CHCHD3: variants seen among roughly 807,000 people sequenced by gnomAD.
The protein encoded by CHCHD3 is MICOS complex subunit MIC19.
CHCHD3 carries 20 observed loss-of-function variants against 38.2 expected under a neutral mutation model. The ratio of observed to expected loss-of-function variants is 0.52; its 90% CI spans 0.37 to 0.76. CHCHD3 has a LOEUF of 0.76. Ranked by LOEUF, CHCHD3 falls within the 30% of genes least tolerant of loss-of-function variation. The probability of loss-of-function intolerance (pLI) is 0.00; values close to 1 mark genes in which losing one functional copy is unlikely to be tolerated. For synonymous variants in CHCHD3, 82 were observed against 100.0 expected, an observed-to-expected ratio of 0.82 and a Z score of 1.07; for missense variants, 245 against 279.2, an observed-to-expected ratio of 0.88 and a Z score of 0.87.
chr7:133,061,467 CAAA>C (rs374637066), intron 2 of CHCHD3, among the ~76,000 whole-genome samples: 1 of 114,632 alleles, frequency 8.7e-6, no homozygotes. Flanking sequence ...TGTGGACAAG[CAAA>C]AAAAAAAAAA....
chr7:132,830,387 C>A (rs1807617150), intron 6 of CHCHD3, among the ~76,000 whole-genome samples: 1 of 152,180 alleles, frequency 6.6e-6, no homozygotes, highest in African/African-American at 2.4e-5. Flanking sequence ...CTACAACTTT[C>A]CTAAAATGGG....
chr7:132,882,971 G>A (rs935384780), intron 5 of CHCHD3, among the ~76,000 whole-genome samples: 4 of 152,086 alleles, frequency 2.6e-5, no homozygotes, highest in African/African-American at 7.2e-5. Flanking sequence ...GTTTCCCCAG[G>A]CTGTTCTTGT....
In CHCHD3 at chr7:132,900,456, T is replaced by G. The variant is rs549160213; in HGVS notation, c.370-14711A>C. Among the ~76,000 whole-genome samples, 109 of 152,172 alleles carry G rather than the reference T, an allele frequency of 7.2e-4. 2 individuals carry two copies. The South Asian group carries it at 0.021, about 30-fold the overall frequency. ...TCATCTCCCACATACCCTCACAGAG[T>G]GAGCATCTTTTCCCAGTGAATGGAA... On this transcript the variant is annotated intron_variant, in intron 4 of 7. Coordinates refer to ENST00000262570, the MANE Select transcript of CHCHD3 (RefSeq NM_017812.4).
intron 5 of CHCHD3, among the ~76,000 whole-genome samples, chr7:132,850,658 T>A (rs1333657121): frequency 6.6e-6 from 1 of 152,146 alleles, no homozygotes; most frequent in Non-Finnish European, 1.5e-5. Flanking sequence ...CTTCTATTAA[T>A]ACTAAAGGTC....
intron 6 of CHCHD3, among the ~76,000 whole-genome samples, chr7:132,812,175 A>G (rs1463941296): frequency 2.7e-5 from 4 of 146,702 alleles, no homozygotes; most frequent in African/African-American, 7.6e-5. Flanking sequence ...TAGATCTAGA[A>G]TTGACCACTT....
intron 2 of CHCHD3, among the ~76,000 whole-genome samples, chr7:133,057,762 AG>A (rs2117513560): frequency 6.6e-6 from 1 of 152,270 alleles, no homozygotes; most frequent in East Asian, 1.9e-4. Flanking sequence ...AAATAATTAG[AG>A]GAAAAATTTA....
intron 2 of CHCHD3, among the ~76,000 whole-genome samples, chr7:133,056,622 C>T (rs943760976): frequency 6.6e-6 from 1 of 152,030 alleles, no homozygotes; most frequent in Non-Finnish European, 1.5e-5. Context: ...GCACAGAAAA[C>T]CAAATGAAAG....
At chr7:132,823,820 T>A (rs4731901) in intron 6 of CHCHD3, among the ~76,000 whole-genome samples, 59,937 of 152,010 alleles carry the variant, frequency 0.39, 12,076 homozygotes, top group Middle Eastern at 0.51. Flanking sequence ...ACCTGGTACC[T>A]TGTGAATTCT....
chr7:132,943,571 A>G (rs906180770), intron 4 of CHCHD3, among the ~76,000 whole-genome samples: 1 of 152,162 alleles, frequency 6.6e-6, no homozygotes, highest in Non-Finnish European at 1.5e-5. Context: ...CTGAATTAAA[A>G]TTTCATTAGT....
chr7:132,854,669 G>A (rs1808302519), intron 5 of CHCHD3, among the ~76,000 whole-genome samples: 1 of 152,156 alleles, frequency 6.6e-6, no homozygotes, highest in Admixed American at 6.5e-5. Context: ...TCTGCCATTT[G>A]TTAAGTGGGT....
chr7:132,916,669 C>T (rs527244890), intron 4 of CHCHD3, among the ~76,000 whole-genome samples: 2 of 152,194 alleles, frequency 1.3e-5, no homozygotes, highest in African/African-American at 4.8e-5. Context: ...TGGCCTCAAC[C>T]TCCGGGGCTT....
chr7:132,786,827 ATT>A (rs1162108855), intron 7 of CHCHD3, among the ~76,000 whole-genome samples: 3 of 152,258 alleles, frequency 2.0e-5, no homozygotes, highest in Non-Finnish European at 4.4e-5. Flanking sequence ...ACATGCTAAA[ATT>A]TATTGTGTAA....
chr7:132,851,752 T>C (rs1005400744), intron 5 of CHCHD3, among the ~76,000 whole-genome samples: 3 of 152,228 alleles, frequency 2.0e-5, no homozygotes, highest in Non-Finnish European at 4.4e-5. Context: ...ACAGTCACTC[T>C]CCAGGTCATA....
chr7:132,800,922 C>A (rs1312454542), intron 6 of CHCHD3, among the ~76,000 whole-genome samples: 1 of 152,000 alleles, frequency 6.6e-6, no homozygotes, highest in African/African-American at 2.4e-5. Flanking sequence ...TCTCATAAAA[C>A]CATATTTTAC....
intron 4 of CHCHD3, among the ~76,000 whole-genome samples, chr7:132,962,175 A>T (rs1811336038): frequency 6.6e-6 from 1 of 152,238 alleles, no homozygotes; most frequent in Non-Finnish European, 1.5e-5. Flanking sequence ...TTAGCCAAGA[A>T]AATAGAGGCT....
chr7:132,827,408 A>G (rs914182082), intron 6 of CHCHD3, among the ~76,000 whole-genome samples: 3 of 152,206 alleles, frequency 2.0e-5, no homozygotes, highest in African/African-American at 4.8e-5. Context: ...TTTCTTCCTG[A>G]GGCACAGTCA....
Position 132,975,242 on chromosome 7 carries a change from T to A in CHCHD3, c.296A>T (p.Asn99Ile), listed in dbSNP as rs758825605. 2 of 1,613,094 alleles carry A rather than the reference T, an allele frequency of 1.2e-6. No homozygotes were observed. Among genetic ancestry groups the A allele is most frequent in the Non-Finnish European group, 1.7e-6 (2 of 1,180,014 alleles). ...AAGGATGGCTCTGGTTAACTGCTCA[T>A]TGGCAGCAGCCCTCTCTCGGTCCAG... is the stretch of plus-strand genomic sequence containing the variant. ...KELDRERAAA[N>I]EQLTRAILRE... The change falls in exon 4 of 8, where the codon AAT becomes ATT. Residue 99 changes from asparagine to isoleucine, a missense_variant. Physicochemically the swap from Asn to Ile is moderately radical, Grantham distance 149 (BLOSUM62 -3). Coordinates refer to ENST00000262570, the MANE Select transcript of CHCHD3 (RefSeq NM_017812.4).
intron 1 of CHCHD3, among the ~76,000 whole-genome samples, chr7:133,072,317 T>C (rs551579833): frequency 7.9e-5 from 12 of 152,076 alleles, no homozygotes; most frequent in Non-Finnish European, 1.3e-4. Flanking sequence ...AAAAGGTATT[T>C]AGGATTTAAA....
At chr7:132,917,344 C>T (rs999463982) in intron 4 of CHCHD3, among the ~76,000 whole-genome samples, 1 of 152,104 alleles carries the variant, frequency 6.6e-6, no homozygotes, top group Non-Finnish European at 1.5e-5. Flanking sequence ...AAGAGCCAGT[C>T]GTAATCCTCT....
Sources: allele counts gnomAD v4.1 joint callset (sites outside exome capture counted in the v4.1 genomes callset), GRCh38; gene constraint gnomAD v4.1.1; transcripts MANE v1.5; gene names NCBI Gene and HGNC (gene_info 2026-07-23, HGNC 2026-07-21).